Variants in LRFN5 observed in about 807,000 individuals in gnomAD.
LRFN5 encodes the protein leucine rich repeat and fibronectin type III domain containing 5.
A neutral mutation model predicts 45.6 loss-of-function variants in LRFN5; 24 were observed. The ratio of observed to expected loss-of-function variants is 0.53; its 90% CI spans 0.38 to 0.74. LRFN5 has a LOEUF of 0.74. Among genes scored for constraint, LRFN5 ranks in the 30% least tolerant of loss-of-function variants. The pLI is 0.00. For missense variants in LRFN5, 776 were observed against 861.5 expected (o/e 0.90, Z 1.24); for synonymous variants, 340 against 313.8 (o/e 1.08, Z -0.88).
intron 1 of LRFN5, among the ~76,000 whole-genome samples, chr14:41,732,931 CAGAAA>C (rs918591967): frequency 3.6e-5 from 5 of 137,730 alleles, no homozygotes; most frequent in African/African-American, 1.3e-4. Flanking sequence ...TAAAAAGTAC[CAGAAA>C]AGAAAAGAAA....
chr14:41,847,548 C>T (rs1035319053), intron 2 of LRFN5, among the ~76,000 whole-genome samples: 1 of 151,968 alleles, frequency 6.6e-6, no homozygotes, highest in Non-Finnish European at 1.5e-5. Flanking sequence ...CTTCCTTTCT[C>T]CTGCTTTATT....
intron 1 of LRFN5, among the ~76,000 whole-genome samples, chr14:41,708,035 C>G (rs561766750): frequency 2.6e-5 from 4 of 152,034 alleles, no homozygotes; most frequent in South Asian, 2.1e-4. Context: ...ACAAATTAAA[C>G]TATTAACAAA....
intron 1 of LRFN5, among the ~76,000 whole-genome samples, chr14:41,694,927 A>T (rs1882539789): frequency 7.9e-5 from 12 of 151,976 alleles, no homozygotes; most frequent in Admixed American, 7.9e-4. Context: ...CAAAAACTAG[A>T]CATGATTAAG....
intron 1 of LRFN5, among the ~76,000 whole-genome samples, chr14:41,748,701 G>C (rs1245783125): frequency 6.6e-6 from 1 of 152,002 alleles, no homozygotes; most frequent in Non-Finnish European, 1.5e-5. Flanking sequence ...AAAATGTATG[G>C]TTCAGTATGA....
chr14:41,850,780 TCCTCTGTCTTACACAGCACCC>T (rs533847038), intron 2 of LRFN5, among the ~76,000 whole-genome samples: 145 of 151,884 alleles, frequency 9.5e-4, no homozygotes, highest in African/African-American at 3.3e-3. Context: ...AGTACAACAG[TCCTCTGTCTTACACAGCACCC>T]CCTCCATGCT....
chr14:41,669,661 A>G (rs1334495201), intron 1 of LRFN5, among the ~76,000 whole-genome samples: 1 of 152,066 alleles, frequency 6.6e-6, no homozygotes, highest in Non-Finnish European at 1.5e-5. Flanking sequence ...AAGTATAATT[A>G]GTGAAACAAT....
intron 1 of LRFN5, among the ~76,000 whole-genome samples, chr14:41,692,916 GAGTTATC>G (rs1882445257): frequency 6.6e-6 from 1 of 151,798 alleles, no homozygotes; most frequent in African/African-American, 2.4e-5. Flanking sequence ...TCTCTGTATA[GAGTTATC>G]TACAGGTTAA....
chr14:41,880,500 T>C (rs186587055), intron 2 of LRFN5, among the ~76,000 whole-genome samples: 2 of 152,144 alleles, frequency 1.3e-5, no homozygotes, highest in Non-Finnish European at 1.5e-5. Flanking sequence ...TTCAATTAAA[T>C]TAATTTCATT....
At chr14:41,696,424 T>C (rs975201917) in intron 1 of LRFN5, among the ~76,000 whole-genome samples, 1 of 151,904 alleles carries the variant, frequency 6.6e-6, no homozygotes, top group Non-Finnish European at 1.5e-5. Flanking sequence ...GCATCACATA[T>C]TACAGAGAAA....
At chr14:41,639,048 A>T (rs1048829492) in intron 1 of LRFN5, among the ~76,000 whole-genome samples, 11 of 152,056 alleles carry the variant, frequency 7.2e-5, no homozygotes, top group African/African-American at 2.7e-4. Flanking sequence ...GTTCAATAAA[A>T]CATACCTGAA....
At chr14:41,729,538 T>G (rs1479584683) in intron 1 of LRFN5, among the ~76,000 whole-genome samples, 1 of 152,142 alleles carries the variant, frequency 6.6e-6, no homozygotes, top group Admixed American at 6.6e-5. Flanking sequence ...TAATACAACA[T>G]TATAGTATTA....
chr14:41,682,304 G>T (rs56164672), intron 1 of LRFN5, among the ~76,000 whole-genome samples: 1 of 151,792 alleles, frequency 6.6e-6, no homozygotes, highest in Admixed American at 6.6e-5. Context: ...GACATAGACA[G>T]TATAATAAGA....
rs1422943243 is a variant in LRFN5, at chr14:41,887,823, T to A, written c.1198T>A (p.Ser400Thr). 1 of 1,614,010 alleles carries A rather than the reference T, an allele frequency of 6.2e-7. No individual in the cohort carries two copies. ...TCCTGGTTCTTCAGATATCTCAACTTCTACCAAGTCAGGTTCTAATACAAG... is the reference window on the plus strand; with the variant it reads ...TCCTGGTTCTTCAGATATCTCAACTACTACCAAGTCAGGTTCTAATACAAG... ...PDPGSSDISTSTKSGSNTSSS... is the reference protein window; with the variant it reads ...PDPGSSDISTTTKSGSNTSSS... Residue 400 changes from serine to threonine, a missense_variant, in exon 3 of 6, where the codon TCT becomes ACT. By Grantham distance (58) the Ser-to-Thr change is moderately conservative. Coordinates refer to ENST00000298119, the MANE Select transcript of LRFN5 (RefSeq NM_152447.5). This position sits in a 1 kb window ranked among gnomAD's most constrained non-coding sequence, Gnocchi z 4.8.
chr14:41,776,966 C>A (rs1295012082), intron 2 of LRFN5, among the ~76,000 whole-genome samples: 1 of 151,928 alleles, frequency 6.6e-6, no homozygotes, highest in African/African-American at 2.4e-5. Context: ...GTATCCTTTA[C>A]ACATTGAATT....
At chr14:41,638,155 A>C (rs1879391870) in intron 1 of LRFN5, among the ~76,000 whole-genome samples, 1 of 152,214 alleles carries the variant, frequency 6.6e-6, no homozygotes, top group Admixed American at 6.6e-5. Context: ...TACTCAGCTC[A>C]TAGAAATTAT....
chr14:41,672,663 A>G (rs1881289664), intron 1 of LRFN5, among the ~76,000 whole-genome samples: 1 of 152,126 alleles, frequency 6.6e-6, no homozygotes. Context: ...CTCAACCAAA[A>G]TGTCTCTCTG....
chr14:41,735,426 C>T lies in LRFN5; in HGVS notation c.-196-31428C>T, dbSNP rs1259019853. Among the ~76,000 whole-genome samples, 4 of 152,064 alleles carry T rather than the reference C, an allele frequency of 2.6e-5. No homozygotes were observed. In the East Asian group the frequency reaches 5.8e-4, roughly 22 times the overall value. ...GGGACCACAGGTGTGCACAACCATA[C>T]CCCGCTAATCTTTACTTTTACTTTT... On this transcript the variant is annotated intron_variant, in intron 1 of 5. Coordinates refer to ENST00000298119, the MANE Select transcript of LRFN5 (RefSeq NM_152447.5).
At chr14:41,628,478 C>T (rs1594563266) in intron 1 of LRFN5, among the ~76,000 whole-genome samples, 1 of 152,074 alleles carries the variant, frequency 6.6e-6, no homozygotes, top group East Asian at 1.9e-4. Context: ...GTGGCATGCA[C>T]CTGTAGTTCT....
At position 41,886,029 on chromosome 14, in the gene LRFN5, A is replaced by AAG. The variant is rs573324001; in HGVS notation, c.-20-576_-20-575insGA. The stretch of plus-strand genomic sequence containing the variant: ...AAGCAAGGCTCGTCTCAAAAAAAAA[A>AAG]AAAAAAAAAAATAGTGAAGGTTGAT... On this transcript the variant is annotated intron_variant, in intron 2 of 5. Transcript: ENST00000298119. Among the ~76,000 whole-genome samples, 290 of 151,694 alleles carry AAG rather than the reference A, an allele frequency of 1.9e-3. 2 individuals carry two copies. The highest frequency in any genetic ancestry group is 6.7e-3 in the African/African-American group (278 of 41,350).
Sources: allele counts gnomAD v4.1 joint callset (sites outside exome capture counted in the v4.1 genomes callset), GRCh38; gene constraint gnomAD v4.1.1; non-coding constraint Gnocchi (gnomAD v3.1); transcripts MANE v1.5; gene names NCBI Gene and HGNC (gene_info 2026-07-23, HGNC 2026-07-21).